Variants in TTC21B observed in about 807,000 individuals in gnomAD.
TTC21B encodes tetratricopeptide repeat protein 21B.
TTC21B carries 127 observed loss-of-function variants against 175.1 expected under a neutral mutation model. The observed-to-expected ratio is 0.73, with a 90% CI of 0.63 to 0.84. The LOEUF (loss-of-function observed/expected upper bound fraction) is 0.84, where lower values mean the gene tolerates loss of function less well. Ranked by LOEUF, TTC21B falls within the 40% of genes least tolerant of loss-of-function variation. TTC21B has a pLI of 0.00. For synonymous variants in TTC21B, 524 were observed against 524.5 expected, an observed-to-expected ratio of 1.00 and a Z score of 0.01; for missense variants, 1,561 against 1,558.3, an observed-to-expected ratio of 1.00 and a Z score of -0.03.
chr2:165,907,878 T>C (rs974584703), intron 18 of TTC21B, 94 bp from the exon 19 acceptor site: 1 of 878,012 alleles, frequency 1.1e-6, no homozygotes, highest in Non-Finnish European at 1.8e-6. Context: ...CTAGAAAAAA[T>C]GATTTTGAAA....
Position 165,907,789 on chromosome 2 carries a change from G to GA in TTC21B, c.2462-6dup. 6.3e-7 allele frequency: 1 copy of GA among 1,580,310 alleles called. No homozygotes were observed. Among genetic ancestry groups the GA allele is most frequent in the Non-Finnish European group, 8.7e-7 (1 of 1,150,378 alleles). On this transcript the variant is annotated splice_polypyrimidine_tract_variant and splice_region_variant and intron_variant, in intron 18 of 28. Coordinates refer to ENST00000243344, the MANE Select transcript of TTC21B (RefSeq NM_024753.5). ...TGAGAGCTGACAGTTCATTTACTAT[G>GA]AAAGAATGGAATGTAATGCAAAAAA...
chr2:165,923,743 GTT>G (rs1190876494), intron 12 of TTC21B, among the ~76,000 whole-genome samples: 41 of 107,290 alleles, frequency 3.8e-4, no homozygotes, highest in African/African-American at 1.1e-3. Flanking sequence ...CGCCCAGCTG[GTT>G]TTTTTTTTTT....
intron 24 of TTC21B, among the ~76,000 whole-genome samples, chr2:165,889,451 G>GCA (rs2105290543): frequency 6.6e-6 from 1 of 152,250 alleles, no homozygotes; most frequent in African/African-American, 2.4e-5. Flanking sequence ...TTCCAACTAT[G>GCA]CACTCTGCAG....
intron 18 of TTC21B, 90 bp downstream of exon 18, chr2:165,911,237 T>C (rs888495202): frequency 4.7e-6 from 7 of 1,488,976 alleles, no homozygotes; most frequent in Admixed American, 1.7e-5. Context: ...ACAAATAAAA[T>C]ATTGAGAATA....
At chr2:165,894,434 G>T (rs535080124) in intron 22 of TTC21B, among the ~76,000 whole-genome samples, 2 of 152,090 alleles carry the variant, frequency 1.3e-5, no homozygotes, top group South Asian at 4.1e-4. Context: ...TAAAATGAAC[G>T]GAGATGCATG....
intron 22 of TTC21B, among the ~76,000 whole-genome samples, chr2:165,896,924 T>C (rs1685386523): frequency 6.6e-6 from 1 of 152,198 alleles, no homozygotes; most frequent in African/African-American, 2.4e-5. Context: ...AAACGATGAT[T>C]TGCTGGTTGG....
chr2:165,891,770 A>T lies in TTC21B; in HGVS notation c.2951-782T>A, dbSNP rs773935331. Among the ~76,000 whole-genome samples, 93 of 138,034 alleles carry T rather than the reference A, an allele frequency of 6.7e-4. 1 individual carries two copies. Among genetic ancestry groups the T allele is most frequent in the South Asian group, 6.1e-3 (25 of 4,088 alleles). 90.6% of individuals were successfully genotyped at this position (138,034 alleles called of 152,430 possible). On this transcript the variant is annotated intron_variant, in intron 22 of 28. Transcript: ENST00000243344. ...AAAATAATGTATAGACACTACAGAA[A>T]ATAAGGAAAATATATATAAAAAGTA...
chr2:165,888,368 T>G lies in TTC21B; in HGVS notation c.3370A>C (p.Ile1124Leu). 6.2e-7 allele frequency: 1 copy of G among 1,613,966 alleles called. No individual in the cohort carries two copies. The highest frequency in any genetic ancestry group is 1.3e-5 in the African/African-American group (1 of 75,052). Residue 1124 changes from isoleucine to leucine, a missense_variant, in exon 25 of 29, where the codon ATA (isoleucine) becomes CTA (leucine). By Grantham distance (5) the Ile-to-Leu change is conservative (BLOSUM62 2). Coordinates refer to ENST00000243344, the MANE Select transcript of TTC21B (RefSeq NM_024753.5). Reference sequence around the variant, plus strand: ...GCCATTAAGCAATAGTTTTCCATTATGCGAAGCTGTACGTGACCCTGAACA... The same window carrying G: ...GCCATTAAGCAATAGTTTTCCATTAGGCGAAGCTGTACGTGACCCTGAACA... Reference protein sequence around the residue: ...QTVQGHVQLRIMENYCLMATK... With the variant: ...QTVQGHVQLRLMENYCLMATK...
At chr2:165,928,936 T>C (rs1202731767) in intron 11 of TTC21B, 199 bp downstream of exon 11, 1 of 574,870 alleles carries the variant, frequency 1.7e-6, no homozygotes, top group Admixed American at 3.1e-5. Context: ...CAAATGAATA[T>C]TTGCAAACCA....
intron 6 of TTC21B, among the ~76,000 whole-genome samples, chr2:165,935,179 T>C (rs1333727013): frequency 6.6e-6 from 1 of 152,182 alleles, no homozygotes; most frequent in Non-Finnish European, 1.5e-5. Flanking sequence ...CCTGATCACT[T>C]CTAACATTTA....
intron 26 of TTC21B, 67 bp downstream of exon 26, chr2:165,883,727 A>C: frequency 7.9e-7 from 1 of 1,271,508 alleles, no homozygotes. Flanking sequence ...CTAACACTCA[A>C]CAATATCTAT....
chr2:165,953,629 C>T (rs1285680552), intron 1 of TTC21B, 56 bp downstream of exon 1: 1 of 1,537,332 alleles, frequency 6.5e-7, no homozygotes, highest in Non-Finnish European at 8.7e-7. Context: ...GCCAAAAGGC[C>T]GCAAAGGAAC....
intron 22 of TTC21B, among the ~76,000 whole-genome samples, chr2:165,897,056 G>A (rs1339436787): frequency 1.3e-5 from 2 of 152,108 alleles, no homozygotes; most frequent in Non-Finnish European, 2.9e-5. Flanking sequence ...GGGTAACAAC[G>A]TAGAACAAAA....
chr2:165,883,760 G>T (rs759674256), intron 26 of TTC21B, 34 bp downstream of exon 26: 5 of 1,517,192 alleles, frequency 3.3e-6, no homozygotes, highest in Non-Finnish European at 4.6e-6. Flanking sequence ...TGCAACAAAG[G>T]TCAATAATTA....
At chr2:165,883,728 C>G in intron 26 of TTC21B, 66 bp downstream of exon 26, 1 of 1,275,824 alleles carries the variant, frequency 7.8e-7, no homozygotes, top group Non-Finnish European at 1.1e-6. Flanking sequence ...TAACACTCAA[C>G]AATATCTATA....
At chr2:165,933,551 A>C (rs1034309845) in intron 6 of TTC21B, among the ~76,000 whole-genome samples, 1 of 152,194 alleles carries the variant, frequency 6.6e-6, no homozygotes, top group African/African-American at 2.4e-5. Flanking sequence ...AACAGGCATA[A>C]ACTTAAGAAA....
At chr2:165,885,728 G>A (rs1036919651) in intron 25 of TTC21B, among the ~76,000 whole-genome samples, 13 of 152,120 alleles carry the variant, frequency 8.5e-5, no homozygotes, top group African/African-American at 2.9e-4. Context: ...AGAACGTATC[G>A]GTTCTTCACA....
In TTC21B at chr2:165,941,137, A is replaced by G. The variant is rs1228895454; in HGVS notation, c.600T>C (p.Thr200=). ...MRQNYSGALE[T]VNQIIVNFPS... ...GAAAATTCACGATTATCTGGTTCAC[A>G]GTCTCCAGGGCACCTGAATAATTCT... Residue 200 remains threonine (T), a synonymous_variant, in exon 6 of 29, where the codon ACT becomes ACC. Coordinates refer to ENST00000243344, the MANE Select transcript of TTC21B (RefSeq NM_024753.5). 3.7e-6 allele frequency: 6 copies of G among 1,613,842 alleles called. No homozygotes were observed. Among genetic ancestry groups the G allele is most frequent in the Non-Finnish European group, 5.1e-6 (6 of 1,179,858 alleles).
In TTC21B at chr2:165,930,329, T is replaced by C; in HGVS notation, c.930A>G (p.Gln310=). 6.2e-7 allele frequency: 1 copy of C among 1,612,496 alleles called. No individual in the cohort carries two copies. The highest frequency in any genetic ancestry group is 8.5e-7 in the Non-Finnish European group (1 of 1,179,014). Residue 310 remains glutamine, a synonymous_variant, in exon 9 of 29, where the codon CAA becomes CAG. Transcript: ENST00000243344. ...AACTAAAAGCTCTCTCAAGTAACGT[T>C]TGAATTTTTTGAAGAATAAGTTGAC... ...GRSQLILQKI[Q]TLLERAFSLN...
Sources: allele counts gnomAD v4.1 joint callset (sites outside exome capture counted in the v4.1 genomes callset), GRCh38; gene constraint gnomAD v4.1.1; transcripts MANE v1.5; gene names NCBI Gene and HGNC (gene_info 2026-07-23, HGNC 2026-07-21).